Variants in SLC39A5 observed in about 807,000 individuals in gnomAD.
SLC39A5 encodes the protein solute carrier family 39 member 5.
A neutral mutation model predicts 46.9 loss-of-function variants in SLC39A5; 42 were observed. The observed-to-expected ratio is 0.90, with a 90% CI of 0.70 to 1.16. SLC39A5 has a LOEUF of 1.16. Among genes scored for constraint, SLC39A5 ranks in the 50% most tolerant of loss-of-function variants. SLC39A5 has a pLI of 0.00. For missense variants in SLC39A5, 677 were observed against 686.8 expected (o/e 0.99, Z 0.16); for synonymous variants, 311 against 323.1 (o/e 0.96, Z 0.40).
Position 56,237,269 on chromosome 12 carries a change from C to A in SLC39A5, c.1408C>A (p.Pro470Thr), listed in dbSNP as rs560052706. 3 of 1,613,714 alleles carry A rather than the reference C, an allele frequency of 1.9e-6. No homozygotes were observed. The highest frequency in any genetic ancestry group is 1.7e-4 in the Middle Eastern group (1 of 6,058). ...AVLGVGLSLG[P>T]VPLTPWVFGV... is the part of the protein sequence containing the mutation. ...CCTGGGGGTGGGGCTCAGCCTGGGC[C>A]CTGTCCCCCTCACTCCCTGGGTGTT... is the stretch of plus-strand genomic sequence containing the variant. The change falls in exon 12 of 13, where the codon CCT (proline) becomes ACT (threonine). Residue 470 changes from proline to threonine, a missense_variant. Coordinates refer to ENST00000454355, the MANE Select transcript of SLC39A5 (RefSeq NM_173596.3).
rs767220492 is a variant in SLC39A5, at chr12:56,232,161, C to CTTTTTTT, written c.288-512_288-506dup. Among the ~76,000 whole-genome samples the CTTTTTTT allele has an allele frequency of 4.1e-4, 48 of 117,246 alleles. 1 individual carries two copies. The highest frequency in any genetic ancestry group is 7.1e-4 in the African/African-American group (22 of 30,780). The allele number at this position is 117,246 out of a possible 152,430, so 76.9% of individuals were successfully genotyped here. ...GTAGACTTCTTTTTTCTTTTCTTTT[C>CTTTTTTT]TTTTTTTTTTTTTTTTTTTTTTGAG... On this transcript the variant is annotated intron_variant, in intron 4 of 12. Transcript: ENST00000454355.
In SLC39A5 at chr12:56,231,391, C is replaced by T. The variant is rs777208183; in HGVS notation, c.117C>T (p.Tyr39=). Residue 39 remains tyrosine (Y), a synonymous_variant, in exon 4 of 13, where the codon TAC becomes TAT. Transcript: ENST00000454355. ...LGPAEQEQNH[Y]LAQLFGLYGE... is the part of the protein sequence containing the mutation. ...CTGCTGAGCAGGAGCAGAACCATTA[C>T]CTGGCCCAGCTGTTTGGCCTGTACG... 7 of 1,614,004 alleles carry T rather than the reference C, an allele frequency of 4.3e-6. No individual in the cohort carries two copies. In the African/African-American group the frequency reaches 8.0e-5, roughly 18 times the overall value.
intron 6 of SLC39A5, 47 bp from the exon 7 acceptor site, chr12:56,235,110 G>A: frequency 1.3e-6 from 2 of 1,554,846 alleles, no homozygotes; most frequent in Non-Finnish European, 1.7e-6. Flanking sequence ...TTACGTGTGG[G>A]ACCCTCCTCT....
rs1432590593 is a variant in SLC39A5, at chr12:56,231,658, T to C, written c.287+97T>C. 8 of 1,331,890 alleles carry C rather than the reference T, an allele frequency of 6.0e-6. No homozygotes were observed. In the East Asian group the frequency reaches 2.0e-4, roughly 33 times the overall value. 82.5% of individuals were successfully genotyped at this position (1,331,890 alleles called of 1,614,324 possible). ...CGTTCTGGCTTCCTCACGAGATCCC[T>C]GGAGTTACAAATTCTTCAGAACCGA... is the stretch of plus-strand genomic sequence containing the variant. On this transcript the variant is annotated intron_variant, in intron 4 of 12. Coordinates refer to ENST00000454355, the MANE Select transcript of SLC39A5 (RefSeq NM_173596.3).
chr12:56,237,106 C>T (rs370427401), intron 11 of SLC39A5, 44 bp from the exon 12 acceptor site: 175 of 1,612,284 alleles, frequency 1.1e-4, no homozygotes, highest in Admixed American at 3.7e-4. Context: ...GGATGAGGGG[C>T]ACCCCAGCTT....
At chr12:56,236,833 G>A in intron 10 of SLC39A5, 87 bp downstream of exon 10, 1 of 1,586,004 alleles carries the variant, frequency 6.3e-7, no homozygotes, top group South Asian at 1.2e-5. Context: ...GGGCCGTCAG[G>A]AAGATGGGGA....
intron 10 of SLC39A5, 74 bp from the exon 11 acceptor site, chr12:56,236,857 C>A (rs1870832804): frequency 6.3e-7 from 1 of 1,598,186 alleles, no homozygotes; most frequent in East Asian, 2.2e-5. Context: ...GACGGGAGGA[C>A]CACGGAACAC....
At chr12:56,237,521 C>T (rs1870935527) in intron 12 of SLC39A5, 67 bp from the exon 13 acceptor site, 9 of 1,605,006 alleles carry the variant, frequency 5.6e-6, no homozygotes, top group South Asian at 1.1e-5. Context: ...TGCTTTCTGA[C>T]ACCATTCCTC....
chr12:56,232,920 C>T (rs375571801), intron 5 of SLC39A5, 48 bp downstream of exon 5: 4 of 1,528,978 alleles, frequency 2.6e-6, no homozygotes, highest in African/African-American at 2.8e-5. Flanking sequence ...GATTAGATGG[C>T]CTGAAATGTT....
chr12:56,235,846 C>T, intron 8 of SLC39A5, 146 bp downstream of exon 8: 2 of 1,012,498 alleles, frequency 2.0e-6, no homozygotes, highest in Non-Finnish European at 3.0e-6. Flanking sequence ...AGTTCGAGTC[C>T]AGCCTGACCA....
At chr12:56,235,869 CCT>C in intron 8 of SLC39A5, 169 bp downstream of exon 8, 3 of 808,058 alleles carry the variant, frequency 3.7e-6, no homozygotes, top group East Asian at 2.6e-5. Context: ...ATGGTGAAAC[CCT>C]GTCTCTACTA....
At chr12:56,233,855 C>T (rs911962625) in intron 5 of SLC39A5, among the ~76,000 whole-genome samples, 1 of 152,178 alleles carries the variant, frequency 6.6e-6, no homozygotes, top group African/African-American at 2.4e-5. Context: ...ATTTCAGGGT[C>T]TTTTCCCTTT....
In SLC39A5 at chr12:56,237,321, A is replaced by G. The variant is rs1175878529; in HGVS notation, c.1460A>G (p.Tyr487Cys). The change falls in exon 12 of 13, where the codon TAT becomes TGT. Residue 487 changes from tyrosine (Y) to cysteine (C), a missense_variant. Coordinates refer to ENST00000454355, the MANE Select transcript of SLC39A5 (RefSeq NM_173596.3). ...VFGVTAGVFL[Y>C]VALVDMLPAL... ...GGGGTCACTGCTGGGGTCTTCCTCT[A>G]TGTGGCCCTTGTGGACATGGTGAGA... The G allele has an allele frequency of 4.9e-5, 78 of 1,600,530 alleles. No individual in the cohort carries two copies. Among genetic ancestry groups the G allele is most frequent in the Non-Finnish European group, 6.4e-5 (75 of 1,173,030 alleles).
intron 5 of SLC39A5, among the ~76,000 whole-genome samples, chr12:56,233,460 A>AT (rs1592375550): frequency 6.6e-6 from 1 of 151,712 alleles, no homozygotes; most frequent in Non-Finnish European, 1.5e-5. Context: ...AAAAATGAAA[A>AT]TAAAAAAAAT....
chr12:56,233,488 AT>A lies in SLC39A5; in HGVS notation c.471+617del, dbSNP rs201130312. Among the ~76,000 whole-genome samples the A allele has an allele frequency of 1.2e-3, 187 of 151,862 alleles. 2 individuals carry two copies. Among genetic ancestry groups the A allele is most frequent in the African/African-American group, 4.2e-3 (175 of 41,374 alleles). On this transcript the variant is annotated intron_variant, in intron 5 of 12. Transcript: ENST00000454355. ...AAAAAAATAAAAAAATAAAAAAAAA[AT>A]ATCTCACTGTGGTCTTAGGGGATGT...
intron 2 of SLC39A5, chr12:56,230,593 G>A (rs1463693637): frequency 6.6e-6 from 1 of 152,210 alleles, no homozygotes; most frequent in Non-Finnish European, 1.5e-5. Flanking sequence ...GGCAGAGGGT[G>A]GCCCCTCCCT....
chr12:56,237,087 G>A (rs1302502128), intron 11 of SLC39A5, 63 bp from the exon 12 acceptor site: 2 of 1,612,510 alleles, frequency 1.2e-6, no homozygotes, highest in Admixed American at 1.7e-5. Context: ...GGAGGCTGGT[G>A]GGTGGCATGG....
At position 56,232,161 on chromosome 12, in the gene SLC39A5, CTTTT is replaced by C. The variant is rs767220492; in HGVS notation, c.288-509_288-506del. ...GTAGACTTCTTTTTTCTTTTCTTTTCTTTTTTTTTTTTTTTTTTTTTTGAGACAG... is the reference window on the plus strand; with the variant it reads ...GTAGACTTCTTTTTTCTTTTCTTTTCTTTTTTTTTTTTTTTTTTGAGACAG... On this transcript the variant is annotated intron_variant, in intron 4 of 12. Transcript: ENST00000454355. Among the ~76,000 whole-genome samples, 16 of 117,218 alleles carry C rather than the reference CTTTT, an allele frequency of 1.4e-4. No homozygotes were observed. In the East Asian group the frequency reaches 1.5e-3, roughly 11 times the overall value. 76.9% of individuals were successfully genotyped at this position (117,218 alleles called of 152,430 possible). A position where few individuals can be genotyped will look rare whatever the true frequency, so the allele number is the denominator to read the frequency against.
In SLC39A5 at chr12:56,237,721, C is replaced by T; in HGVS notation, c.1613C>T (p.Thr538Ile). 3 of 1,567,402 alleles carry T rather than the reference C, an allele frequency of 1.9e-6. No homozygotes were observed. The highest frequency in any genetic ancestry group is 2.6e-6 in the Non-Finnish European group (3 of 1,158,138). Residue 538 changes from threonine (T) to isoleucine (I), a missense_variant, in exon 13 of 13, where the codon ACT becomes ATT. By Grantham distance (89) the Thr-to-Ile change is moderately conservative (BLOSUM62 -1). Transcript: ENST00000454355. ...LLEERLLPVT[T>I]EG Reference sequence around the variant, plus strand: ...GAGGAGCGGCTACTGCCCGTGACCACTGAGGGCTGATGGGGCCAGTGGAAA... The same window carrying T: ...GAGGAGCGGCTACTGCCCGTGACCATTGAGGGCTGATGGGGCCAGTGGAAA...
Sources: gnomAD v4.1 joint callset for allele counts (sites outside exome capture counted in the v4.1 genomes callset) on GRCh38, gnomAD v4.1.1 for gene constraint, MANE v1.5 for transcripts, NCBI Gene and HGNC (gene_info 2026-07-23, HGNC 2026-07-21) for gene names.